The following FAF1 variants were observed in gnomAD, a reference collection of about 807,000 sequenced individuals.
FAF1 encodes the protein Fas associated factor 1.
Under a neutral mutation model 92.5 loss-of-function variants are expected in FAF1, and 25 were observed. The observed-to-expected ratio is 0.27, with a 90% CI of 0.20 to 0.38. The LOEUF (loss-of-function observed/expected upper bound fraction) is 0.38, where lower values mean the gene tolerates loss of function less well. Ranked by LOEUF, FAF1 falls within the 10% of genes least tolerant of loss-of-function variation. The pLI is 1.00. For missense variants in FAF1, 636 were observed against 793.3 expected (o/e 0.80, Z 2.38); for synonymous variants, 234 against 273.2 (o/e 0.86, Z 1.42).
At chr1:50,876,517 C>A (rs1557570540) in intron 1 of FAF1, among the ~76,000 whole-genome samples, 1 of 152,180 alleles carries the variant, frequency 6.6e-6, no homozygotes, top group African/African-American at 2.4e-5. Context: ...GGGGATACGA[C>A]AAACGAATAC....
At chr1:50,797,424 G>A (rs1329426632) in intron 3 of FAF1, among the ~76,000 whole-genome samples, 3 of 152,128 alleles carry the variant, frequency 2.0e-5, no homozygotes, top group African/African-American at 7.2e-5. Flanking sequence ...TTGAATGCCA[G>A]GTGTAGTGGC....
intron 2 of FAF1, among the ~76,000 whole-genome samples, chr1:50,812,799 T>C (rs1473714518): frequency 1.2e-4 from 19 of 152,086 alleles, no homozygotes; most frequent in Admixed American, 1.2e-3. Context: ...CTATTCACCA[T>C]AGCAAAGACA....
chr1:50,528,661 C>A (rs766518733), intron 15 of FAF1, among the ~76,000 whole-genome samples: 6 of 152,068 alleles, frequency 3.9e-5, no homozygotes, highest in Non-Finnish European at 7.4e-5. Context: ...CACAGTTGAC[C>A]CTTAAACAAC....
intron 1 of FAF1, among the ~76,000 whole-genome samples, chr1:50,922,818 CAAA>C (rs754253837): frequency 1.6e-4 from 9 of 56,888 alleles, no homozygotes; most frequent in African/African-American, 4.2e-4. Context: ...GAATCCACCA[CAAA>C]AAAAAAAAAA....
chr1:50,602,985 C>T (rs57400675), intron 8 of FAF1, among the ~76,000 whole-genome samples: 9,957 of 152,128 alleles, frequency 0.065, 398 homozygotes, highest in East Asian at 0.092. Flanking sequence ...ATTATAATCC[C>T]CACTTTAGAG....
chr1:50,846,507 G>A, intron 2 of FAF1: 1 of 496,342 alleles, frequency 2.0e-6, no homozygotes, highest in South Asian at 1.5e-5. Flanking sequence ...TGAAAGCCAT[G>A]CCGCGGCCAG....
At chr1:50,910,774 G>C (rs1056798917) in intron 1 of FAF1, among the ~76,000 whole-genome samples, 2 of 151,902 alleles carry the variant, frequency 1.3e-5, no homozygotes, top group African/African-American at 4.8e-5. Flanking sequence ...TCCAGGTACC[G>C]TCTGTCACAG....
intron 13 of FAF1, among the ~76,000 whole-genome samples, chr1:50,541,672 T>C (rs1012336127): frequency 1.3e-5 from 2 of 151,968 alleles, no homozygotes; most frequent in African/African-American, 4.8e-5. Context: ...TAACAAATTA[T>C]CTGCCCATAA....
chr1:50,922,478 A>AAAAG (rs1644972429), intron 1 of FAF1, among the ~76,000 whole-genome samples: 1 of 146,106 alleles, frequency 6.8e-6, no homozygotes, highest in Admixed American at 6.8e-5. Flanking sequence ...AAAAAAAAAA[A>AAAAG]AAAAGAAAAG....
intron 8 of FAF1, among the ~76,000 whole-genome samples, chr1:50,597,619 A>T (rs1207167094): frequency 6.6e-6 from 1 of 152,168 alleles, no homozygotes; most frequent in African/African-American, 2.4e-5. Flanking sequence ...CATTTAAATT[A>T]TCCAAAGAAA....
At chr1:50,447,254 T>C (rs1387963049) in intron 18 of FAF1, among the ~76,000 whole-genome samples, 2 of 150,436 alleles carry the variant, frequency 1.3e-5, no homozygotes, top group African/African-American at 4.9e-5. Flanking sequence ...GCCTCCCGAG[T>C]AGCTAGGACT....
intron 13 of FAF1, among the ~76,000 whole-genome samples, chr1:50,556,303 T>C (rs893494276): frequency 6.8e-6 from 1 of 147,636 alleles, no homozygotes; most frequent in African/African-American, 2.5e-5. Context: ...CTGGAGGTCA[T>C]CATGTTCTCA....
At chr1:50,538,629 T>C (rs959847629) in intron 14 of FAF1, among the ~76,000 whole-genome samples, 1 of 151,628 alleles carries the variant, frequency 6.6e-6, no homozygotes, top group Admixed American at 6.6e-5. Flanking sequence ...AAGGGTCTAG[T>C]CTGATGTCTA....
chr1:50,640,241 T>G (rs934731520), intron 8 of FAF1, among the ~76,000 whole-genome samples: 36 of 152,028 alleles, frequency 2.4e-4, no homozygotes, highest in East Asian at 3.9e-4. Flanking sequence ...ACCTTAAATA[T>G]CTGGTAGTGT....
intron 12 of FAF1, among the ~76,000 whole-genome samples, chr1:50,573,109 C>CT (rs111946633): frequency 0.025 from 3,567 of 143,122 alleles, 136 homozygotes; most frequent in Admixed American, 0.11. Flanking sequence ...TTTTTCTTTT[C>CT]TTTTTTTTTT....
chr1:50,678,625 CA>C (rs1656264339), intron 7 of FAF1, among the ~76,000 whole-genome samples: 1 of 151,170 alleles, frequency 6.6e-6, no homozygotes, highest in Admixed American at 6.6e-5. Flanking sequence ...ACTAAAAATA[CA>C]AAAATTAGCT....
rs536126595 is a variant in FAF1, at chr1:50,728,407, A to AAGTT, written c.551+10452_551+10455dup. On this transcript the variant is annotated intron_variant, in intron 6 of 18. Transcript: ENST00000396153. Reference sequence around the variant, plus strand: ...GCCAGAGGGACAGCGATAAAAGACGAAGTTAGAGAGAAAGACAAGGATAAG... The same window carrying AAGTT: ...GCCAGAGGGACAGCGATAAAAGACGAAGTTAGTTAGAGAGAAAGACAAGGATAAG... Among the ~76,000 whole-genome samples the AAGTT allele has an allele frequency of 8.3e-4, 126 of 152,308 alleles. 1 individual carries two copies. The highest frequency in any genetic ancestry group is 2.9e-3 in the African/African-American group (122 of 41,568).
chr1:50,839,480 T>C (rs554687022), intron 2 of FAF1, among the ~76,000 whole-genome samples: 46 of 152,264 alleles, frequency 3.0e-4, no homozygotes, highest in African/African-American at 1.1e-3. Flanking sequence ...TCACTAATAA[T>C]AGCCTGACAA....
At position 50,857,954 on chromosome 1, in the gene FAF1, A is replaced by T; in HGVS notation, c.89T>A (p.Leu30His). ...IENIDEAITL[L>H]EQNNWDLVAA... ...CACTAAGTCCCAATTATTTTGTTCA[A>T]GCAATGTAATAGCTTCGTCAATGTT... The change falls in exon 2 of 19, where the codon CTT (leucine) becomes CAT (histidine). Residue 30 changes from leucine to histidine, a missense_variant. Physicochemically the swap from Leu to His is moderately conservative, Grantham distance 99. Around this residue, in one of 2 missense-constraint regions of FAF1, gnomAD observed 317 missense variants for 342.4 expected, o/e 0.93. Transcript: ENST00000396153. 6.2e-7 allele frequency: 1 copy of T among 1,601,842 alleles called. No homozygotes were observed. Among genetic ancestry groups the T allele is most frequent in the South Asian group, 1.1e-5 (1 of 89,136 alleles).
Sources: allele counts gnomAD v4.1 joint callset (sites outside exome capture counted in the v4.1 genomes callset), GRCh38; gene constraint gnomAD v4.1.1; regional missense constraint gnomAD v4.1.1; transcripts MANE v1.5; gene names NCBI Gene and HGNC (gene_info 2026-07-23, HGNC 2026-07-21).